The following SLC16A10 variants were observed in gnomAD, a reference collection of about 807,000 sequenced individuals.
The protein encoded by SLC16A10 is monocarboxylate transporter 10.
Under a neutral mutation model 40.0 loss-of-function variants are expected in SLC16A10, and 27 were observed. The ratio of observed to expected loss-of-function variants is 0.67; its 90% CI spans 0.50 to 0.93. SLC16A10 has a LOEUF of 0.93. Among genes scored for constraint, SLC16A10 ranks in the 40% least tolerant of loss-of-function variants. The pLI is 0.00. For missense variants in SLC16A10, 529 were observed against 658.2 expected, an observed-to-expected ratio of 0.80 and a Z score of 2.15; for synonymous variants, 213 against 249.8, an observed-to-expected ratio of 0.85 and a Z score of 1.39.
In SLC16A10 at chr6:111,226,977, T is replaced by G. The variant is rs941253446; in HGVS notation, c.*4742T>G. 6.6e-6 allele frequency: 1 copy of G among 152,204 alleles called. No homozygotes were observed. The highest frequency in any genetic ancestry group is 2.1e-4 in the South Asian group (1 of 4,826). 9.4% of individuals were successfully genotyped at this position (152,204 alleles called of 1,614,324 possible). ...TGAGATTTCGTCTCTACAAAAAAAA[T>G]TTAGCCAGCTTGGTGGCACATGCCT... On this transcript the variant is annotated 3_prime_UTR_variant, in exon 6 of 6. Coordinates refer to ENST00000368851, the MANE Select transcript of SLC16A10 (RefSeq NM_018593.5).
chr6:111,132,708 T>G (rs1300497102), intron 1 of SLC16A10, among the ~76,000 whole-genome samples: 1 of 152,142 alleles, frequency 6.6e-6, no homozygotes, highest in East Asian at 1.9e-4. Context: ...CCCAGCAGAT[T>G]TCCTAACAGG....
chr6:111,103,343 G>A (rs1771224696), intron 1 of SLC16A10, among the ~76,000 whole-genome samples: 1 of 152,056 alleles, frequency 6.6e-6, no homozygotes, highest in Non-Finnish European at 1.5e-5. Context: ...TCAGCCTCCC[G>A]AGTAGCTGGG....
intron 1 of SLC16A10, among the ~76,000 whole-genome samples, chr6:111,121,907 G>A (rs1193584333): frequency 2.0e-5 from 3 of 152,174 alleles, no homozygotes; most frequent in Non-Finnish European, 1.5e-5. Flanking sequence ...AGGGGTCTGG[G>A]TTTGGCTCAT....
intron 1 of SLC16A10, among the ~76,000 whole-genome samples, chr6:111,160,900 C>T (rs773748420): frequency 7.2e-5 from 11 of 151,858 alleles, no homozygotes; most frequent in East Asian, 1.9e-4. Context: ...CAAAGGTGGG[C>T]GCGATAGTGT....
At chr6:111,137,335 C>A (rs1292171407) in intron 1 of SLC16A10, among the ~76,000 whole-genome samples, 1 of 152,218 alleles carries the variant, frequency 6.6e-6, no homozygotes, top group African/African-American at 2.4e-5. Flanking sequence ...TGATAGCACC[C>A]ATCAGATGGC....
intron 3 of SLC16A10, among the ~76,000 whole-genome samples, chr6:111,186,381 A>G (rs1039921659): frequency 3.9e-5 from 6 of 152,228 alleles, no homozygotes; most frequent in African/African-American, 1.4e-4. Flanking sequence ...AGCCAATTAG[A>G]TAAGGGTCCT....
chr6:111,165,119 C>T (rs1045259292), intron 1 of SLC16A10, among the ~76,000 whole-genome samples: 1 of 152,226 alleles, frequency 6.6e-6, no homozygotes, highest in African/African-American at 2.4e-5. Context: ...GATTACTGAC[C>T]TCAGGATGGA....
chr6:111,093,068 A>C (rs542635101), intron 1 of SLC16A10, among the ~76,000 whole-genome samples: 5 of 150,178 alleles, frequency 3.3e-5, no homozygotes, highest in Non-Finnish European at 4.4e-5. Flanking sequence ...AAAGAAAAAA[A>C]GAAAAAAGAA....
At chr6:111,178,366 C>T (rs1463783403) in intron 3 of SLC16A10, 1 of 531,306 alleles carries the variant, frequency 1.9e-6, no homozygotes, top group Non-Finnish European at 3.9e-6. Context: ...ATTTCAAGTG[C>T]TCAAGAAGTT....
intron 1 of SLC16A10, among the ~76,000 whole-genome samples, chr6:111,133,602 A>G (rs1238249051): frequency 2.0e-5 from 3 of 152,224 alleles, no homozygotes; most frequent in Non-Finnish European, 4.4e-5. Context: ...AATGGAGTGA[A>G]GTGCCATATG....
Position 111,228,496 on chromosome 6 carries a change from A to G in SLC16A10, c.*6261A>G, listed in dbSNP as rs1049469469. On this transcript the variant is annotated 3_prime_UTR_variant, in exon 6 of 6. Coordinates refer to ENST00000368851, the MANE Select transcript of SLC16A10 (RefSeq NM_018593.5). ...AAACATGTATGCGATAGGAACTACC[A>G]ATATAAAATAACACTTAGAACTCAA... The G allele has an allele frequency of 1.3e-5, 2 of 152,228 alleles. No individual in the cohort carries two copies. The highest frequency in any genetic ancestry group is 2.9e-5 in the Non-Finnish European group (2 of 68,040). 9.4% of individuals were successfully genotyped at this position (152,228 alleles called of 1,614,324 possible).
chr6:111,212,469 G>T (rs1773360217), intron 4 of SLC16A10, among the ~76,000 whole-genome samples: 1 of 152,102 alleles, frequency 6.6e-6, no homozygotes, highest in Admixed American at 6.6e-5. Context: ...TCAAGGTCCT[G>T]GGTCCCAGGT....
chr6:111,140,927 A>G lies in SLC16A10; in HGVS notation c.344-31768A>G, dbSNP rs1172326915. ...CAGCCTCCCAAGTGGTTGGGACTAC[A>G]GACATGTGCCACCAAATCCAGCTAA... On this transcript the variant is annotated intron_variant, in intron 1 of 5. Transcript: ENST00000368851. Among the ~76,000 whole-genome samples the G allele has an allele frequency of 5.3e-5, 8 of 152,282 alleles. No individual in the cohort carries two copies. In the East Asian group the frequency reaches 1.2e-3, roughly 22 times the overall value.
rs1487314855 is a variant in SLC16A10 at position 111,226,587 on chromosome 6, C to T, written c.*4352C>T. 6.6e-6 allele frequency: 1 copy of T among 152,042 alleles called. No individual in the cohort carries two copies. The highest frequency in any genetic ancestry group is 1.5e-5 in the Non-Finnish European group (1 of 68,014). The allele number at this position is 152,042 out of a possible 1,614,324, so 9.4% of individuals were successfully genotyped here. On this transcript the variant is annotated 3_prime_UTR_variant, in exon 6 of 6. Transcript: ENST00000368851. ...ATTAGGTCAAAGATTGTTGCTTTTC[C>T]AGTGTGTTGTCTTAAAAATAGAAGG...
chr6:111,095,972 A>G (rs910690166), intron 1 of SLC16A10, among the ~76,000 whole-genome samples: 5 of 152,216 alleles, frequency 3.3e-5, no homozygotes, highest in African/African-American at 9.6e-5. Flanking sequence ...ATTATTTTTT[A>G]GAGTAGCCTT....
In SLC16A10 at chr6:111,148,449, G is replaced by A. The variant is rs569361135; in HGVS notation, c.344-24246G>A. Reference sequence around the variant, plus strand: ...TTATCAGAGCATCTTTGTTTAATTGGTACTTAGAACAGAAGGTGTCACCTA... The same window carrying A: ...TTATCAGAGCATCTTTGTTTAATTGATACTTAGAACAGAAGGTGTCACCTA... On this transcript the variant is annotated intron_variant, in intron 1 of 5. Transcript: ENST00000368851. Among the ~76,000 whole-genome samples, 64 of 152,298 alleles carry A rather than the reference G, an allele frequency of 4.2e-4. No homozygotes were observed. The Middle Eastern group carries it at 0.024, about 57-fold the overall frequency.
At chr6:111,101,000 A>G (rs1022127850) in intron 1 of SLC16A10, among the ~76,000 whole-genome samples, 6 of 127,796 alleles carry the variant, frequency 4.7e-5, no homozygotes, top group African/African-American at 1.9e-4. Context: ...CTCTATATAT[A>G]TATATATATA....
chr6:111,158,950 A>G (rs1211443704), intron 1 of SLC16A10, among the ~76,000 whole-genome samples: 1 of 150,916 alleles, frequency 6.6e-6, no homozygotes, highest in Non-Finnish European at 1.5e-5. Flanking sequence ...GGTGGCCTGC[A>G]CCTGTAGTTC....
At chr6:111,092,061 G>A (rs1163461424) in intron 1 of SLC16A10, among the ~76,000 whole-genome samples, 1 of 152,104 alleles carries the variant, frequency 6.6e-6, no homozygotes, top group Non-Finnish European at 1.5e-5. Context: ...TCAACAGGTG[G>A]TGGGGTTGGG....
Sources: allele counts gnomAD v4.1 joint callset (sites outside exome capture counted in the v4.1 genomes callset), GRCh38; gene constraint gnomAD v4.1.1; transcripts MANE v1.5; gene names NCBI Gene and HGNC (gene_info 2026-07-23, HGNC 2026-07-21).